The following PDE10A variants were observed in gnomAD, a reference collection of about 807,000 sequenced individuals.
The protein encoded by PDE10A is cAMP and cAMP-inhibited cGMP 3',5'-cyclic phosphodiesterase 10A.
Under a neutral mutation model 97.7 loss-of-function variants are expected in PDE10A, and 39 were observed. The ratio of observed to expected loss-of-function variants is 0.40; its 90% CI spans 0.31 to 0.52. The LOEUF is 0.52. Among genes scored for constraint, PDE10A ranks in the 20% least tolerant of loss-of-function variants. PDE10A has a pLI of 0.56. For missense variants in PDE10A, 731 were observed against 1,047.8 expected, an observed-to-expected ratio of 0.70 and a Z score of 4.17; for synonymous variants, 371 against 376.8, an observed-to-expected ratio of 0.98 and a Z score of 0.18.
At chr6:165,429,392 A>C (rs1789396593) in intron 9 of PDE10A, among the ~76,000 whole-genome samples, 1 of 152,108 alleles carries the variant, frequency 6.6e-6, no homozygotes, top group African/African-American at 2.4e-5. Flanking sequence ...GGTAGTGTTT[A>C]ACCTAGTTGG....
chr6:165,748,496 T>C (rs1792893619), intron 1 of PDE10A, among the ~76,000 whole-genome samples: 1 of 152,216 alleles, frequency 6.6e-6, no homozygotes, highest in African/African-American at 2.4e-5. Context: ...CTTTCAAGTA[T>C]TTTCCTGCCA....
intron 1 of PDE10A, among the ~76,000 whole-genome samples, chr6:165,884,611 G>T (rs1781578990): frequency 6.6e-6 from 1 of 152,074 alleles, no homozygotes; most frequent in Non-Finnish European, 1.5e-5. Flanking sequence ...ATATCACATG[G>T]GTTTGTTTGA....
chr6:165,485,467 C>CAAAAAATA (rs1554271346), intron 2 of PDE10A, among the ~76,000 whole-genome samples: 1 of 50,258 alleles, frequency 2.0e-5, no homozygotes, highest in Non-Finnish European at 4.3e-5. Context: ...GACTCTGTCT[C>CAAAAAATA]AAAAAAAAAA....
chr6:165,943,362 G>T (rs546676721), intron 1 of PDE10A, among the ~76,000 whole-genome samples: 38 of 126,402 alleles, frequency 3.0e-4, no homozygotes, highest in Middle Eastern at 4.0e-3. Flanking sequence ...GAAAGAAAGA[G>T]AAAGAAAGAA....
chr6:165,857,841 G>A (rs549737148), intron 1 of PDE10A, among the ~76,000 whole-genome samples: 37 of 152,210 alleles, frequency 2.4e-4, no homozygotes, highest in African/African-American at 8.7e-4. Flanking sequence ...ACTGCAGTGG[G>A]ATCTTAGGGT....
chr6:165,984,164 TA>T (rs375811955), intron 1 of PDE10A, among the ~76,000 whole-genome samples: 2,331 of 152,150 alleles, frequency 0.015, 56 homozygotes, highest in African/African-American at 0.053. Flanking sequence ...ATTTTTATGC[TA>T]AAAAAAACTG....
chr6:165,720,543 C>T (rs1269578925), intron 1 of PDE10A, among the ~76,000 whole-genome samples: 1 of 152,180 alleles, frequency 6.6e-6, no homozygotes, highest in Non-Finnish European at 1.5e-5. Flanking sequence ...CTGAAATTCT[C>T]CTAAGATCAA....
chr6:165,409,558 A>G, intron 13 of PDE10A: 1 of 161,598 alleles, frequency 6.2e-6, no homozygotes, highest in Non-Finnish European at 1.3e-5. Context: ...CAGAAAGAAA[A>G]GGTGTCTACA....
At chr6:165,926,219 G>A (rs1358443964) in intron 1 of PDE10A, among the ~76,000 whole-genome samples, 1 of 152,120 alleles carries the variant, frequency 6.6e-6, no homozygotes, top group Non-Finnish European at 1.5e-5. Context: ...CTGCAGGTGA[G>A]GCCCCAAGCC....
chr6:165,694,912 T>G (rs1791404491), intron 1 of PDE10A, among the ~76,000 whole-genome samples: 1 of 152,212 alleles, frequency 6.6e-6, no homozygotes, highest in Non-Finnish European at 1.5e-5. Context: ...AGCTTCCTCA[T>G]GTCTTCCGTA....
intron 1 of PDE10A, among the ~76,000 whole-genome samples, chr6:165,751,424 A>ACC (rs1341354372): frequency 6.6e-6 from 1 of 151,968 alleles, no homozygotes; most frequent in South Asian, 2.1e-4. Flanking sequence ...GTGAAGGAGC[A>ACC]CCCCTTTGAG....
rs2128249530 is a variant in PDE10A, at chr6:165,450,237, C to T, written c.1144+5G>A. 2.0e-6 allele frequency: 3 copies of T among 1,537,844 alleles called. No homozygotes were observed. In the East Asian group the frequency reaches 6.9e-5, roughly 36 times the overall value. ...TTTCTAACAGGAACACAAAATGCTT[C>T]TTACCTATTTTAATGATGCTGCTCA... On this transcript the variant is annotated splice_donor_5th_base_variant and intron_variant, in intron 4 of 21. Transcript: ENST00000539869.
chr6:165,686,163 A>AC (rs966232747), intron 1 of PDE10A, among the ~76,000 whole-genome samples: 5 of 147,622 alleles, frequency 3.4e-5, no homozygotes, highest in African/African-American at 1.3e-4. Flanking sequence ...ACACACACAC[A>AC]CACACACACA....
At chr6:165,384,801 T>C (rs1045328036) in intron 17 of PDE10A, among the ~76,000 whole-genome samples, 1 of 152,090 alleles carries the variant, frequency 6.6e-6, no homozygotes, top group Non-Finnish European at 1.5e-5. Flanking sequence ...CTGGCAGCCA[T>C]AGTGAAAGCT....
At chr6:165,691,105 C>CTT (rs1383058179) in intron 1 of PDE10A, among the ~76,000 whole-genome samples, 3 of 33,930 alleles carry the variant, frequency 8.8e-5, no homozygotes, top group African/African-American at 9.1e-5. Flanking sequence ...CTCTTTCTCT[C>CTT]TCCCCCCCCC....
At chr6:165,592,180 C>T (rs896167345) in intron 1 of PDE10A, among the ~76,000 whole-genome samples, 1 of 152,056 alleles carries the variant, frequency 6.6e-6, no homozygotes, top group Non-Finnish European at 1.5e-5. Context: ...TGATCTTTGA[C>T]AAACCTGACA....
At chr6:165,473,688 A>C (rs1779140040) in intron 3 of PDE10A, among the ~76,000 whole-genome samples, 1 of 152,200 alleles carries the variant, frequency 6.6e-6, no homozygotes, top group South Asian at 2.1e-4. Flanking sequence ...TTTTGAAGCA[A>C]AGGAAAACAC....
At chr6:165,371,894 T>C (rs996476204) in intron 18 of PDE10A, among the ~76,000 whole-genome samples, 28 of 152,216 alleles carry the variant, frequency 1.8e-4, no homozygotes, top group African/African-American at 6.3e-4. Flanking sequence ...CAAGTGAGCT[T>C]CATCCCTGGG....
chr6:165,842,599 A>G (rs957920248), intron 1 of PDE10A, among the ~76,000 whole-genome samples: 9 of 152,228 alleles, frequency 5.9e-5, no homozygotes, highest in African/African-American at 2.2e-4. Context: ...GGGACTGTTG[A>G]TGCTTTCCAT....
Sources: allele counts gnomAD v4.1 joint callset (sites outside exome capture counted in the v4.1 genomes callset), GRCh38; gene constraint gnomAD v4.1.1; transcripts MANE v1.5; gene names NCBI Gene and HGNC (gene_info 2026-07-23, HGNC 2026-07-21).